Variants in OGG1 observed in about 807,000 individuals in gnomAD.
OGG1 encodes N-glycosylase/DNA lyase.
In OGG1, 35 loss-of-function variants were observed where a neutral mutation model predicts 42.3. The ratio of observed to expected loss-of-function variants is 0.83; its 90% CI spans 0.63 to 1.10. The LOEUF (loss-of-function observed/expected upper bound fraction) is 1.10, where lower values mean the gene tolerates loss of function less well. Among genes scored for constraint, OGG1 ranks in the 50% least tolerant of loss-of-function variants. OGG1 has a pLI of 0.00. For missense variants in OGG1, 484 were observed against 446.7 expected (o/e 1.08, Z -0.75); for synonymous variants, 189 against 179.0 (o/e 1.06, Z -0.44).
intron 7 of OGG1, chr3:9,763,072 A>G (rs1220688797): frequency 3.1e-6 from 5 of 1,614,002 alleles, no homozygotes; most frequent in African/African-American, 2.7e-5. Context: ...GGGATAGGGC[A>G]GTCTGGCAAA....
chr3:9,769,461 G>A (rs193004936), downstream of OGG1, among the ~76,000 whole-genome samples: 245 of 152,008 alleles, frequency 1.6e-3, 3 homozygotes, highest in Admixed American at 0.011. Flanking sequence ...CACCCCTCTG[G>A]AACAAAAAAC....
downstream of OGG1, chr3:9,761,725 T>C: frequency 6.2e-7 from 1 of 1,614,138 alleles, no homozygotes; most frequent in Non-Finnish European, 8.5e-7. Context: ...TTTTGGAGTC[T>C]TCATCCAGGC....
chr3:9,785,230 C>A, intron 3 of OGG1: 2 of 1,061,828 alleles, frequency 1.9e-6, no homozygotes, highest in South Asian at 1.4e-5. Flanking sequence ...CAGCCTCTTA[C>A]TGATGAGGAC....
intron 4 of OGG1, among the ~76,000 whole-genome samples, 190 bp from the exon 5 acceptor site, chr3:9,756,281 A>G (rs2077553221): frequency 6.6e-6 from 1 of 152,204 alleles, no homozygotes; most frequent in South Asian, 2.1e-4. Context: ...CAGCCTAGGC[A>G]ACAGAGCGAG....
chr3:9,776,440 A>G (rs1217182273), intron 2 of OGG1, among the ~76,000 whole-genome samples: 3 of 128,276 alleles, frequency 2.3e-5, no homozygotes, highest in Non-Finnish European at 4.6e-5. Context: ...CCCAGGCTGG[A>G]GTGCAGTGGC....
chr3:9,786,648 A>C (rs2078620070), intron 3 of OGG1, among the ~76,000 whole-genome samples: 1 of 152,158 alleles, frequency 6.6e-6, no homozygotes, highest in Non-Finnish European at 1.5e-5. Context: ...AAGCCCCTCC[A>C]ACAGATGCTT....
downstream of OGG1, among the ~76,000 whole-genome samples, chr3:9,768,427 C>T (rs2078216247): frequency 6.6e-6 from 1 of 152,226 alleles, no homozygotes; most frequent in South Asian, 2.1e-4. Flanking sequence ...TTCCTGGCCC[C>T]ATCTAACCCT....
chr3:9,766,329 G>A (rs2078150751), exon 8 of OGG1: 1 of 689,888 alleles, frequency 1.4e-6, no homozygotes. Context: ...CTACCCCTGG[G>A]CTTTTGGATT....
chr3:9,764,229 T>C (rs1268257579), intron 7 of OGG1, among the ~76,000 whole-genome samples: 1 of 152,214 alleles, frequency 6.6e-6, no homozygotes, highest in African/African-American at 2.4e-5. Flanking sequence ...ATAATGCAGG[T>C]AAGGTGCTTG....
intron 2 of OGG1, among the ~76,000 whole-genome samples, chr3:9,778,678 C>G (rs565167759): frequency 6.6e-6 from 1 of 152,294 alleles, no homozygotes; most frequent in South Asian, 2.1e-4. Flanking sequence ...GAACTCTCCT[C>G]TCAGCATCCA....
At position 9,766,308 on chromosome 3, in the gene OGG1, A is replaced by G. The variant is rs145709982; in HGVS notation, c.*477A>G. ...ATTATGTGGCCCTCTGGATCCAGCC[A>G]TGCCTGAGGTCTACCCCTGGGCTTT... On this transcript the variant is annotated 3_prime_UTR_variant, in exon 8 of 8. Coordinates refer to the OGG1 transcript ENST00000302008. The G allele has an allele frequency of 3.2e-4, 224 of 697,508 alleles. No individual in the cohort carries two copies. In the African/African-American group the frequency reaches 3.5e-3, roughly 11 times the overall value. The allele number at this position is 697,508 out of a possible 1,614,324, so 43.2% of individuals were successfully genotyped here. A position where few individuals can be genotyped will look rare whatever the true frequency, so the allele number is the denominator to read the frequency against.
chr3:9,771,937 C>T (rs549358149), intron 2 of OGG1, among the ~76,000 whole-genome samples: 1 of 151,408 alleles, frequency 6.6e-6, no homozygotes, highest in African/African-American at 2.4e-5. Context: ...CTGCCTCAGC[C>T]TCCCAAGTAT....
chr3:9,776,024 A>G (rs572609203), intron 2 of OGG1, among the ~76,000 whole-genome samples: 2 of 152,318 alleles, frequency 1.3e-5, no homozygotes, highest in East Asian at 3.9e-4. Context: ...TGTTGCTGGC[A>G]GTCCAGGGAC....
chr3:9,770,487 C>CT (rs1320476440), downstream of OGG1, among the ~76,000 whole-genome samples: 1 of 152,134 alleles, frequency 6.6e-6, no homozygotes, highest in African/African-American at 2.4e-5. Context: ...GGTGGGAAGA[C>CT]TGAGGCCCCG....
intron 3 of OGG1, among the ~76,000 whole-genome samples, chr3:9,753,491 A>T (rs1426823007): frequency 6.6e-6 from 1 of 151,918 alleles, no homozygotes; most frequent in South Asian, 2.1e-4. Flanking sequence ...TCTCTACTAA[A>T]AATACAAAAA....
At chr3:9,790,941 TC>T (rs757760508), downstream of OGG1, among the ~76,000 whole-genome samples, 46 of 152,324 alleles carry the variant, frequency 3.0e-4, 1 homozygote, top group Admixed American at 1.8e-3. Flanking sequence ...CTTGACTTTC[TC>T]ACTTTCCTAG....
At chr3:9,784,120 G>A (rs371188578) in intron 3 of OGG1, 17 of 1,614,174 alleles carry the variant, frequency 1.1e-5, no homozygotes, top group South Asian at 5.5e-5. Flanking sequence ...CCTCATCCTC[G>A]GAGTCCTCTG....
At chr3:9,753,457 C>T (rs2077399290) in intron 3 of OGG1, among the ~76,000 whole-genome samples, 1 of 151,878 alleles carries the variant, frequency 6.6e-6, no homozygotes, top group South Asian at 2.1e-4. Flanking sequence ...TCAAGACCAT[C>T]CTGCCTAATA....
chr3:9,777,854 G>C lies in OGG1; in HGVS notation c.295-3659G>C, dbSNP rs549052619. ...GGCCCAGTGAACATGGAAGTGAGTG[G>C]TTAAGAGGAGGGGGGTCTTCAAGCA... On this transcript the variant is annotated intron_variant, in intron 2 of 3. Coordinates refer to the OGG1 transcript ENST00000426518. Among the ~76,000 whole-genome samples, 20 of 152,272 alleles carry C rather than the reference G, an allele frequency of 1.3e-4. 1 individual carries two copies. Among genetic ancestry groups the C allele is most frequent in the African/African-American group, 4.6e-4 (19 of 41,576 alleles).
Sources: allele counts gnomAD v4.1 joint callset (sites outside exome capture counted in the v4.1 genomes callset), GRCh38; gene constraint gnomAD v4.1.1; transcripts MANE v1.5; gene names NCBI Gene and HGNC (gene_info 2026-07-23, HGNC 2026-07-21).